NRG2: variants seen among roughly 807,000 people sequenced by gnomAD.
NRG2 encodes pro-neuregulin-2, membrane-bound isoform.
NRG2 carries 27 observed loss-of-function variants against 73.9 expected under a neutral mutation model. The ratio of observed to expected loss-of-function variants is 0.37; its 90% CI spans 0.27 to 0.50. NRG2 has a LOEUF of 0.50. Among genes scored for constraint, NRG2 ranks in the 20% least tolerant of loss-of-function variants. The probability of loss-of-function intolerance (pLI) is 0.96; values close to 1 mark genes in which losing one functional copy is unlikely to be tolerated. For synonymous variants in NRG2, 532 were observed against 541.0 expected (o/e 0.98, Z 0.23); for missense variants, 1,126 against 1,210.1 (o/e 0.93, Z 1.03).
chr5:140,015,587 G>A (rs950016359), intron 1 of NRG2, among the ~76,000 whole-genome samples: 1 of 152,204 alleles, frequency 6.6e-6, no homozygotes, highest in African/African-American at 2.4e-5. Context: ...TGCGGTACCA[G>A]CATTCTAGGG....
chr5:139,873,425 C>T (rs1235341952), intron 3 of NRG2, among the ~76,000 whole-genome samples: 1 of 152,248 alleles, frequency 6.6e-6, no homozygotes, highest in African/African-American at 2.4e-5. Flanking sequence ...TGTAAAATCC[C>T]CTTGCTGGGA....
chr5:139,950,759 C>A (rs1580801314), intron 1 of NRG2, among the ~76,000 whole-genome samples: 1 of 152,332 alleles, frequency 6.6e-6, no homozygotes, highest in East Asian at 1.9e-4. Context: ...CAGGTCTGAA[C>A]TTCCTGAGGG....
intron 1 of NRG2, among the ~76,000 whole-genome samples, chr5:139,976,514 G>C (rs1756395476): frequency 6.6e-6 from 1 of 152,188 alleles, no homozygotes; most frequent in Admixed American, 6.5e-5. Flanking sequence ...CTCATTCCCT[G>C]AGGTGCCAAT....
chr5:140,018,607 A>G (rs1447302458), intron 1 of NRG2, among the ~76,000 whole-genome samples: 1 of 152,226 alleles, frequency 6.6e-6, no homozygotes, highest in Non-Finnish European at 1.5e-5. Flanking sequence ...CTCTAGGATG[A>G]GAATTCATCA....
rs1361045435 is a variant in NRG2, at chr5:139,848,589, G to A, written c.1881C>T (p.His627=). The stretch of plus-strand genomic sequence containing the variant: ...GCGCCGCCGGCGGCAGCGACACGGC[G>A]TGCGCCGAGTTGGGGGACGTGATCT... ...TFEITSPNSA[H]AVSLPPAAPI... The change falls in exon 10 of 10, where the codon CAC becomes CAT. Residue 627 remains histidine, a synonymous_variant. Transcript: ENST00000361474. 8.9e-6 allele frequency: 14 copies of A among 1,566,550 alleles called. No homozygotes were observed. The highest frequency in any genetic ancestry group is 1.2e-5 in the Non-Finnish European group (14 of 1,166,874).
At chr5:139,876,045 C>T (rs1329686546) in intron 3 of NRG2, among the ~76,000 whole-genome samples, 2 of 152,184 alleles carry the variant, frequency 1.3e-5, no homozygotes, top group African/African-American at 2.4e-5. Context: ...CAGATGTCCA[C>T]AGCAGCATTA....
Position 139,894,736 on chromosome 5 carries a change from C to T in NRG2, c.701-7225G>A, listed in dbSNP as rs542438776. The stretch of plus-strand genomic sequence containing the variant: ...AACAGTCCCTATGATGTACGAGGCA[C>T]TTACCAGTCACCAGGGATTTGGTGC... On this transcript the variant is annotated intron_variant, in intron 1 of 9. Coordinates refer to ENST00000361474, the MANE Select transcript of NRG2 (RefSeq NM_004883.3). This position sits in a 1 kb window ranked among gnomAD's most constrained non-coding sequence, Gnocchi z 5.0. Among the ~76,000 whole-genome samples the T allele has an allele frequency of 1.4e-4, 21 of 152,354 alleles. No individual in the cohort carries two copies. The highest frequency in any genetic ancestry group is 5.1e-4 in the African/African-American group (21 of 41,580).
chr5:139,969,714 T>C (rs1482980522), intron 1 of NRG2, among the ~76,000 whole-genome samples: 1 of 152,114 alleles, frequency 6.6e-6, no homozygotes, highest in East Asian at 1.9e-4. Flanking sequence ...TATTTTAGAG[T>C]TTAGTGGAGT....
chr5:139,973,384 G>A (rs1207164850), intron 1 of NRG2, among the ~76,000 whole-genome samples: 1 of 151,866 alleles, frequency 6.6e-6, no homozygotes, highest in Non-Finnish European at 1.5e-5. Context: ...TTGAGACGAG[G>A]TCTCACTCCG....
rs1209136920 is a variant in NRG2, at chr5:139,848,228, G to A, written c.2242C>T (p.Leu748Phe). The A allele has an allele frequency of 1.3e-5, 15 of 1,171,298 alleles. No individual in the cohort carries two copies. In the South Asian group the frequency reaches 3.8e-4, roughly 29 times the overall value. 72.6% of individuals were successfully genotyped at this position (1,171,298 alleles called of 1,614,324 possible). A position where few individuals can be genotyped will look rare whatever the true frequency, so the allele number is the denominator to read the frequency against. Residue 748 changes from leucine to phenylalanine, a missense_variant, in exon 10 of 10, where the codon CTC becomes TTC. This residue lies in a region of NRG2 where 402 missense variants were observed against 357.8 expected (regional missense o/e 1.12). Transcript: ENST00000361474. Reference sequence around the variant, plus strand: ...GCGCGCTGCGCCGCCAGCCCGTTGAGGCGCGAGCGGCGCCAGCGCCGGGGC... The same window carrying A: ...GCGCGCTGCGCCGCCAGCCCGTTGAAGCGCGAGCGGCGCCAGCGCCGGGGC... ...AGPRRWRRSR[L>F]NGLAAQRARA...
chr5:140,037,932 G>A (rs1056518907), intron 1 of NRG2, among the ~76,000 whole-genome samples: 7 of 128,070 alleles, frequency 5.5e-5, no homozygotes, highest in Non-Finnish European at 1.0e-4. Context: ...AAAAAAGACT[G>A]CTTTGAAAAA....
intron 1 of NRG2, among the ~76,000 whole-genome samples, chr5:139,964,737 C>A (rs72796723): frequency 0.026 from 3,984 of 152,324 alleles, 66 homozygotes; most frequent in Middle Eastern, 0.065. Flanking sequence ...CTCCACCTAA[C>A]CCCTGAAGTT....
At chr5:139,972,534 G>A (rs1756048264) in intron 1 of NRG2, among the ~76,000 whole-genome samples, 1 of 152,190 alleles carries the variant, frequency 6.6e-6, no homozygotes. Context: ...AGACCAGCCT[G>A]GCCAACATAG....
chr5:139,937,328 A>G (rs1434750417), intron 1 of NRG2, among the ~76,000 whole-genome samples: 2 of 152,258 alleles, frequency 1.3e-5, no homozygotes, highest in Non-Finnish European at 2.9e-5. Context: ...TCGATCTGAT[A>G]AAAGGCATCT....
chr5:139,905,909 T>C (rs868291247), intron 1 of NRG2, among the ~76,000 whole-genome samples: 1 of 152,164 alleles, frequency 6.6e-6, no homozygotes, highest in African/African-American at 2.4e-5. Flanking sequence ...GGTACTGCCT[T>C]GGTTCATTCC....
intron 9 of NRG2, among the ~76,000 whole-genome samples, chr5:139,849,109 G>C (rs1326383893): frequency 1.3e-5 from 2 of 152,072 alleles, no homozygotes; most frequent in African/African-American, 4.8e-5. Context: ...AGACCCTTCC[G>C]CCAGTCCCAT....
In NRG2 at chr5:139,954,423, C is replaced by T. The variant is rs888692961; in HGVS notation, c.701-66912G>A. ...GGAGGGAAATTGTGCCAGCACTCTC[C>T]TGGCTGTCCTGCCTGTTTTCTCCCT... On this transcript the variant is annotated intron_variant, in intron 1 of 9. Coordinates refer to ENST00000361474, the MANE Select transcript of NRG2 (RefSeq NM_004883.3). The surrounding 1 kb of genome is among the most constrained non-coding windows in gnomAD (Gnocchi z 5.0). Among the ~76,000 whole-genome samples, 4 of 152,222 alleles carry T rather than the reference C, an allele frequency of 2.6e-5. No homozygotes were observed. Among genetic ancestry groups the T allele is most frequent in the Non-Finnish European group, 5.9e-5 (4 of 68,034 alleles).
At chr5:139,937,848 T>C (rs1401706786) in intron 1 of NRG2, among the ~76,000 whole-genome samples, 1 of 152,198 alleles carries the variant, frequency 6.6e-6, no homozygotes, top group Non-Finnish European at 1.5e-5. Context: ...ATATATTCTG[T>C]GAACACACAG....
intron 1 of NRG2, among the ~76,000 whole-genome samples, chr5:139,920,129 TAGTG>T (rs1275710697): frequency 6.6e-6 from 1 of 152,154 alleles, no homozygotes; most frequent in Non-Finnish European, 1.5e-5. Flanking sequence ...TATCAAGACA[TAGTG>T]AGTAAACCAG....
Sources: allele counts gnomAD v4.1 joint callset (sites outside exome capture counted in the v4.1 genomes callset), GRCh38; gene constraint gnomAD v4.1.1; regional missense constraint gnomAD v4.1.1; non-coding constraint Gnocchi (gnomAD v3.1); transcripts MANE v1.5; gene names NCBI Gene and HGNC (gene_info 2026-07-23, HGNC 2026-07-21).